NLGN1: variants seen among roughly 807,000 people sequenced by gnomAD.
NLGN1 encodes the protein neuroligin 1.
A neutral mutation model predicts 65.5 loss-of-function variants in NLGN1; 12 were observed. The observed-to-expected ratio is 0.18, with a 90% CI of 0.12 to 0.30. NLGN1 has a LOEUF of 0.30. Among genes scored for constraint, NLGN1 ranks in the 10% least tolerant of loss-of-function variants. NLGN1 has a pLI of 1.00. For synonymous variants in NLGN1, 350 were observed against 359.5 expected (o/e 0.97, Z 0.30); for missense variants, 750 against 1,007.1 (o/e 0.74, Z 3.46).
At chr3:174,234,118 T>G (rs948344581) in intron 4 of NLGN1, among the ~76,000 whole-genome samples, 5 of 152,124 alleles carry the variant, frequency 3.3e-5, no homozygotes, top group African/African-American at 1.2e-4. Context: ...GAAGAAAGAA[T>G]TCAACCAAGG....
chr3:173,424,274 A>C (rs1715691633), intron 1 of NLGN1, among the ~76,000 whole-genome samples: 1 of 152,292 alleles, frequency 6.6e-6, no homozygotes, highest in East Asian at 1.9e-4. Flanking sequence ...GCTGCTCTGA[A>C]GGTCTCTGAC....
chr3:174,083,798 A>T (rs1234336036), intron 4 of NLGN1, among the ~76,000 whole-genome samples: 1 of 151,900 alleles, frequency 6.6e-6, no homozygotes, highest in Non-Finnish European at 1.5e-5. Flanking sequence ...AACAAGGAAC[A>T]GGTAAAAAAA....
At chr3:173,946,873 G>A (rs528798791) in intron 4 of NLGN1, among the ~76,000 whole-genome samples, 4 of 152,182 alleles carry the variant, frequency 2.6e-5, no homozygotes, top group Admixed American at 1.3e-4. Flanking sequence ...ACAAGAAAAC[G>A]CAACTTCAGT....
intron 4 of NLGN1, among the ~76,000 whole-genome samples, chr3:174,194,744 C>A (rs1188087625): frequency 6.9e-6 from 1 of 145,966 alleles, no homozygotes. Flanking sequence ...ATCTTTTAGA[C>A]CCATAAGGAA....
At chr3:173,453,779 T>C (rs1722041563) in intron 2 of NLGN1, among the ~76,000 whole-genome samples, 1 of 152,182 alleles carries the variant, frequency 6.6e-6, no homozygotes, top group South Asian at 2.1e-4. Flanking sequence ...CACTGAAGAC[T>C]TGACCTCTCA....
At chr3:173,510,798 A>G (rs945460293) in intron 2 of NLGN1, among the ~76,000 whole-genome samples, 23 of 152,194 alleles carry the variant, frequency 1.5e-4, no homozygotes, top group African/African-American at 5.3e-4. Flanking sequence ...TCCTTTCACA[A>G]ATCACATGTA....
chr3:174,143,719 T>TC (rs1722702187), intron 4 of NLGN1, among the ~76,000 whole-genome samples: 1 of 152,128 alleles, frequency 6.6e-6, no homozygotes, highest in African/African-American at 2.4e-5. Flanking sequence ...GTCAGTCACT[T>TC]CAACCTTCAA....
intron 3 of NLGN1, among the ~76,000 whole-genome samples, chr3:173,732,040 C>G (rs1442052257): frequency 6.6e-6 from 1 of 151,914 alleles, no homozygotes; most frequent in Non-Finnish European, 1.5e-5. Flanking sequence ...CTCTAATATA[C>G]CAGTGGTTAG....
intron 4 of NLGN1, among the ~76,000 whole-genome samples, chr3:173,937,834 A>T (rs918720092): frequency 1.6e-4 from 25 of 152,210 alleles, no homozygotes; most frequent in Admixed American, 1.4e-3. Context: ...TCTCTGGTCA[A>T]TTATGTATGA....
chr3:173,917,386 G>A (rs1412996372), intron 4 of NLGN1, among the ~76,000 whole-genome samples: 1 of 152,036 alleles, frequency 6.6e-6, no homozygotes, highest in East Asian at 1.9e-4. Context: ...GTAAAAATGG[G>A]AACATTAATA....
At chr3:173,882,424 G>A (rs1489832117) in intron 4 of NLGN1, among the ~76,000 whole-genome samples, 1 of 152,162 alleles carries the variant, frequency 6.6e-6, no homozygotes, top group African/African-American at 2.4e-5. Flanking sequence ...TCTAATATAG[G>A]ACTCTTTCAT....
chr3:174,240,372 G>A (rs566390635), intron 4 of NLGN1, among the ~76,000 whole-genome samples: 19 of 152,192 alleles, frequency 1.2e-4, no homozygotes, highest in African/African-American at 4.6e-4. Context: ...ATAATAAAAT[G>A]TAATATGGAA....
At chr3:173,559,797 A>G in intron 2 of NLGN1, among the ~76,000 whole-genome samples, 1 of 152,224 alleles carries the variant, frequency 6.6e-6, no homozygotes, top group East Asian at 1.9e-4. Context: ...TTTTATGGCT[A>G]GTAAAATGAA....
chr3:173,702,140 G>A lies in NLGN1; in HGVS notation c.493+97049G>A, dbSNP rs987575941. ...TGTAGTCCCAGCTACTCGGGAGGCT[G>A]AGGCAGGAGAATGGCGTGAACCCGG... On this transcript the variant is annotated intron_variant, in intron 3 of 6. Transcript: ENST00000457714. Among the ~76,000 whole-genome samples, 265 of 149,256 alleles carry A rather than the reference G, an allele frequency of 1.8e-3. 2 individuals carry two copies. Among genetic ancestry groups the A allele is most frequent in the African/African-American group, 6.2e-3 (254 of 40,900 alleles).
intron 3 of NLGN1, among the ~76,000 whole-genome samples, chr3:173,758,692 C>T (rs1777499300): frequency 6.6e-6 from 1 of 151,912 alleles, no homozygotes; most frequent in Non-Finnish European, 1.5e-5. Flanking sequence ...AAAATGCCCC[C>T]CTCCATGTAT....
chr3:173,943,641 G>C (rs985620554), intron 4 of NLGN1, among the ~76,000 whole-genome samples: 1 of 152,114 alleles, frequency 6.6e-6, no homozygotes, highest in Non-Finnish European at 1.5e-5. Context: ...GGAGGAATTC[G>C]GCTTCTTGGT....
intron 4 of NLGN1, among the ~76,000 whole-genome samples, chr3:173,918,452 T>C (rs1364679855): frequency 6.6e-6 from 1 of 151,760 alleles, no homozygotes; most frequent in Non-Finnish European, 1.5e-5. Flanking sequence ...CTGACCAACA[T>C]AGTGAAACTC....
intron 4 of NLGN1, among the ~76,000 whole-genome samples, chr3:174,084,046 A>G (rs1742785946): frequency 6.6e-6 from 1 of 152,168 alleles, no homozygotes; most frequent in Non-Finnish European, 1.5e-5. Flanking sequence ...AATTATTATG[A>G]TTGTTATGGT....
intron 3 of NLGN1, among the ~76,000 whole-genome samples, chr3:173,720,092 C>T (rs144882363): frequency 0.015 from 2,263 of 151,574 alleles, 62 homozygotes; most frequent in African/African-American, 0.053. Context: ...CCAGCCTAGG[C>T]GACAGAGAGA....
Sources: gnomAD v4.1 joint callset for allele counts (sites outside exome capture counted in the v4.1 genomes callset) on GRCh38, gnomAD v4.1.1 for gene constraint, MANE v1.5 for transcripts, NCBI Gene and HGNC (gene_info 2026-07-23, HGNC 2026-07-21) for gene names.